KIT: variants seen among roughly 807,000 people sequenced by gnomAD.
KIT encodes mast/stem cell growth factor receptor Kit.
Under a neutral mutation model 105.7 loss-of-function variants are expected in KIT, and 16 were observed. The observed-to-expected ratio is 0.15, with a 90% CI of 0.10 to 0.23. KIT has a LOEUF of 0.23. KIT is among the 10% of genes least tolerant of loss of function. The probability of loss-of-function intolerance (pLI) is 1.00; values close to 1 mark genes in which losing one functional copy is unlikely to be tolerated. For synonymous variants in KIT, 438 were observed against 441.1 expected (o/e 0.99, Z 0.09); for missense variants, 858 against 1,213.8 (o/e 0.71, Z 4.36).
intron 5 of KIT, among the ~76,000 whole-genome samples, chr4:54,706,675 C>A (rs1380863445): frequency 2.0e-5 from 3 of 152,060 alleles, no homozygotes; most frequent in African/African-American, 7.2e-5. Context: ...AAAGAACATT[C>A]TTTGAACATT....
At position 54,695,645 on chromosome 4, in the gene KIT, T is replaced by C; in HGVS notation, c.201T>C (p.Thr67=). ...CTGATCCGGGCTTTGTCAAATGGACTTTTGAGATCCTGGATGAAACGAATG... is the reference window on the plus strand; with the variant it reads ...CTGATCCGGGCTTTGTCAAATGGACCTTTGAGATCCTGGATGAAACGAATG... ...LCTDPGFVKW[T]FEILDETNEN... The change falls in exon 2 of 21, where the codon ACT becomes ACC. Residue 67 remains threonine (T), a synonymous_variant. Coordinates refer to ENST00000288135, the MANE Select transcript of KIT (RefSeq NM_000222.3). The C allele has an allele frequency of 6.2e-7, 1 of 1,614,240 alleles. No homozygotes were observed. Among genetic ancestry groups the C allele is most frequent in the Non-Finnish European group, 8.5e-7 (1 of 1,180,038 alleles).
rs780998847 is a variant in KIT at position 54,736,568 on chromosome 4, T to C, written c.2555T>C (p.Val852Ala). 2 of 1,614,158 alleles carry C rather than the reference T, an allele frequency of 1.2e-6. No homozygotes were observed. The highest frequency in any genetic ancestry group is 4.5e-5 in the East Asian group (2 of 44,884). The change falls in exon 18 of 21, where the codon GTC (valine) becomes GCC (alanine). Residue 852 changes from valine (V) to alanine (A), a missense_variant. Val to Ala is a moderately conservative substitution (Grantham distance 64). Transcript: ENST00000288135. The part of the protein sequence containing the change: ...FNCVYTFESD[V>A]WSYGIFLWEL... ...TGTGTATACACGTTTGAAAGTGACG[T>C]CTGGTCCTATGGGATTTTTCTTTGG...
chr4:54,672,305 A>ATTTT (rs71662293), intron 1 of KIT, among the ~76,000 whole-genome samples: 3 of 130,262 alleles, frequency 2.3e-5, no homozygotes, highest in African/African-American at 7.8e-5. Context: ...ACTCAGTTTG[A>ATTTT]TTTTTTTTTT....
In KIT at chr4:54,722,219, C is replaced by T. The variant is rs1721921459; in HGVS notation, c.1232-1365C>T. On this transcript the variant is annotated intron_variant, in intron 7 of 20. Transcript: ENST00000288135. ...CAGGCTAGTCTCAAACTCCTGACCTCAGGTGATCCACTGCCTCAGCCTCAG... is the reference window on the plus strand; with the variant it reads ...CAGGCTAGTCTCAAACTCCTGACCTTAGGTGATCCACTGCCTCAGCCTCAG... 1.3e-5 allele frequency among the ~76,000 whole-genome samples: 2 copies of T among 152,106 alleles called. 1 individual carries two copies. The highest frequency in any genetic ancestry group is 4.1e-4 in the South Asian group (2 of 4,820).
chr4:54,672,555 C>G (rs935570607), intron 1 of KIT, among the ~76,000 whole-genome samples: 2 of 152,118 alleles, frequency 1.3e-5, no homozygotes, highest in Non-Finnish European at 2.9e-5. Flanking sequence ...TCTCTTTACT[C>G]TCCTGAGCTG....
chr4:54,686,502 G>GTCAA (rs1410994032), intron 1 of KIT, among the ~76,000 whole-genome samples: 2 of 152,192 alleles, frequency 1.3e-5, no homozygotes, highest in Non-Finnish European at 2.9e-5. Flanking sequence ...AGGAGATGAT[G>GTCAA]TCAATCAGTT....
At chr4:54,722,847 A>G (rs945382596) in intron 7 of KIT, among the ~76,000 whole-genome samples, 1 of 136,724 alleles carries the variant, frequency 7.3e-6, no homozygotes, top group Non-Finnish European at 1.5e-5. Flanking sequence ...ATATATTTAT[A>G]TATATTTTTA....
At chr4:54,692,046 T>C (rs1346359937) in intron 1 of KIT, among the ~76,000 whole-genome samples, 2 of 152,234 alleles carry the variant, frequency 1.3e-5, no homozygotes, top group East Asian at 3.9e-4. Context: ...GTGTTTTCCA[T>C]GTACCAAAAC....
At chr4:54,695,911 A>G (rs1720034561) in intron 2 of KIT, 130 bp downstream of exon 2, 1 of 1,025,794 alleles carries the variant, frequency 9.7e-7, no homozygotes, top group Non-Finnish European at 1.5e-6. Context: ...CCTAAAACAC[A>G]TGTTTCTTCA....
intron 1 of KIT, among the ~76,000 whole-genome samples, chr4:54,661,913 C>T (rs75727190): frequency 0.026 from 3,989 of 152,292 alleles, 182 homozygotes; most frequent in African/African-American, 0.089. Context: ...TGTGATCATA[C>T]AGCTCATCTT....
At chr4:54,699,582 A>C in intron 3 of KIT, 48 bp from the exon 4 acceptor site, 1 of 1,607,692 alleles carries the variant, frequency 6.2e-7, no homozygotes, top group Non-Finnish European at 8.5e-7. Context: ...TCAAAATTTC[A>C]TGCTATAATA....
At chr4:54,733,373 A>G in intron 17 of KIT, 181 bp downstream of exon 17, 1 of 585,168 alleles carries the variant, frequency 1.7e-6, no homozygotes. Flanking sequence ...ACTACAACTA[A>G]CATTCAATAA....
chr4:54,686,835 A>G (rs1719342002), intron 1 of KIT, among the ~76,000 whole-genome samples: 1 of 152,032 alleles, frequency 6.6e-6, no homozygotes, highest in South Asian at 2.1e-4. Context: ...GTCAGCCACC[A>G]CTCCTGGCCC....
At chr4:54,667,416 C>T (rs1053586723) in intron 1 of KIT, among the ~76,000 whole-genome samples, 6 of 152,170 alleles carry the variant, frequency 3.9e-5, no homozygotes, top group African/African-American at 1.4e-4. Context: ...CCTGGGTAGG[C>T]GCCAATGTTA....
chr4:54,715,965 A>G (rs1358994606), intron 7 of KIT, among the ~76,000 whole-genome samples: 3 of 152,284 alleles, frequency 2.0e-5, no homozygotes, highest in Middle Eastern at 3.4e-3. Context: ...AGTTACTAGA[A>G]CTTCAACTTT....
chr4:54,665,784 T>TGGAG (rs1312825913), intron 1 of KIT, among the ~76,000 whole-genome samples: 18 of 152,260 alleles, frequency 1.2e-4, no homozygotes, highest in Admixed American at 9.8e-4. Context: ...TTCACAGACA[T>TGGAG]GGAGGGAAGA....
intron 1 of KIT, among the ~76,000 whole-genome samples, chr4:54,679,763 TAATAA>T (rs1179895915): frequency 1.1e-4 from 16 of 151,478 alleles, no homozygotes; most frequent in African/African-American, 3.9e-4. Flanking sequence ...GAAATAATAT[TAATAA>T]AATGTCAAGA....
At chr4:54,724,713 G>T (rs1036747808) in intron 8 of KIT, among the ~76,000 whole-genome samples, 2 of 151,682 alleles carry the variant, frequency 1.3e-5, no homozygotes, top group Non-Finnish European at 2.9e-5. Context: ...GACTGTCTTA[G>T]GCCACACATA....
At chr4:54,725,578 C>T (rs2109766796) in intron 8 of KIT, among the ~76,000 whole-genome samples, 1 of 152,160 alleles carries the variant, frequency 6.6e-6, no homozygotes, top group African/African-American at 2.4e-5. Flanking sequence ...TATTACTATC[C>T]CTGTTTTACA....
Sources: gnomAD v4.1 joint callset for allele counts (sites outside exome capture counted in the v4.1 genomes callset) on GRCh38, gnomAD v4.1.1 for gene constraint, MANE v1.5 for transcripts, NCBI Gene and HGNC (gene_info 2026-07-23, HGNC 2026-07-21) for gene names.